The following DNAH12 variants were observed in gnomAD, a reference collection of about 807,000 sequenced individuals.
DNAH12 encodes the protein dynein axonemal heavy chain 12, also known as axonemal beta dynein heavy chain 12.
In DNAH12, 285 loss-of-function variants were observed where a neutral mutation model predicts 371.5. That is an observed-to-expected ratio of 0.77 (90% CI 0.70 to 0.85). The LOEUF is 0.85. Ranked by LOEUF, DNAH12 falls within the 40% of genes least tolerant of loss-of-function variation. The pLI is 0.00. For synonymous variants in DNAH12, 1,200 were observed against 1,213.0 expected, an observed-to-expected ratio of 0.99 and a Z score of 0.22; for missense variants, 3,611 against 3,689.4, an observed-to-expected ratio of 0.98 and a Z score of 0.55.
intron 40 of DNAH12, 113 bp from the exon 41 acceptor site, chr3:57,406,065 C>T: frequency 8.3e-7 from 1 of 1,211,334 alleles, no homozygotes; most frequent in Non-Finnish European, 1.1e-6. Context: ...ATTATATGGG[C>T]TTGGGCTGGG....
chr3:57,415,656 G>T, intron 37 of DNAH12, 92 bp from the exon 38 acceptor site: 1 of 1,253,046 alleles, frequency 8.0e-7, no homozygotes, highest in Non-Finnish European at 1.1e-6. Context: ...GTGTACATAA[G>T]AATCAAATCA....
At chr3:57,333,253 C>G (rs2062144691) in intron 62 of DNAH12, among the ~76,000 whole-genome samples, 1 of 151,814 alleles carries the variant, frequency 6.6e-6, no homozygotes, top group Non-Finnish European at 1.5e-5. Context: ...TAGCGATCCA[C>G]CCACCTCAGC....
At chr3:57,474,314 G>T (rs919589459) in intron 13 of DNAH12, among the ~76,000 whole-genome samples, 1 of 151,662 alleles carries the variant, frequency 6.6e-6, no homozygotes, top group Admixed American at 6.6e-5. Flanking sequence ...ATTTTTTTTT[G>T]AGACAGAGTT....
chr3:57,326,316 C>T (rs189324776), intron 62 of DNAH12, among the ~76,000 whole-genome samples: 3,596 of 152,106 alleles, frequency 0.024, 65 homozygotes, highest in Admixed American at 0.035. Flanking sequence ...AGAGAAAGGT[C>T]GGGTTACCCA....
At chr3:57,314,671 G>C in intron 65 of DNAH12, 40 bp from the exon 66 acceptor site, 1 of 1,507,810 alleles carries the variant, frequency 6.6e-7, no homozygotes, top group Non-Finnish European at 8.8e-7. Context: ...AAAAATTCCG[G>C]TCAGATTCCA....
chr3:57,391,162 A>AG (rs1326952623), intron 45 of DNAH12, among the ~76,000 whole-genome samples: 5 of 152,090 alleles, frequency 3.3e-5, no homozygotes, highest in African/African-American at 1.2e-4. Flanking sequence ...TGTTTCTGTG[A>AG]GGGTGTTTTT....
intron 49 of DNAH12, among the ~76,000 whole-genome samples, chr3:57,382,749 C>G (rs1432889418): frequency 6.6e-6 from 1 of 152,002 alleles, no homozygotes; most frequent in Non-Finnish European, 1.5e-5. Context: ...AGACTTAACT[C>G]TATATTTGCT....
chr3:57,297,500 C>T lies in DNAH12; in HGVS notation c.11395-516G>A, dbSNP rs543359219. Among the ~76,000 whole-genome samples, 71 of 152,026 alleles carry T rather than the reference C, an allele frequency of 4.7e-4. 3 individuals are homozygous for T. The highest frequency in any genetic ancestry group is 6.8e-3 in the Middle Eastern group (2 of 294). ...CCTCCTGAGTAGCTGGGATTACAGG[C>T]GTGCACCACCATGCCTGGCTAGTTT... On this transcript the variant is annotated intron_variant, in intron 70 of 73. Transcript: ENST00000495027.
At chr3:57,531,374 CCAGA>C (rs2068840859) in intron 2 of DNAH12, among the ~76,000 whole-genome samples, 1 of 152,168 alleles carries the variant, frequency 6.6e-6, no homozygotes, top group South Asian at 2.1e-4. Context: ...AAGTCTGCTG[CCAGA>C]CATACTGGAG....
At chr3:57,417,306 C>T (rs145006182) in intron 37 of DNAH12, among the ~76,000 whole-genome samples, 1 of 151,988 alleles carries the variant, frequency 6.6e-6, no homozygotes, top group African/African-American at 2.4e-5. Context: ...TGAGTAATAG[C>T]CATATTCAGT....
intron 4 of DNAH12, among the ~76,000 whole-genome samples, chr3:57,511,325 T>A (rs1052445270): frequency 2.7e-4 from 41 of 152,194 alleles, no homozygotes; most frequent in African/African-American, 9.9e-4. Flanking sequence ...TTCTAAATGC[T>A]GGGTATATAG....
intron 36 of DNAH12, among the ~76,000 whole-genome samples, chr3:57,420,260 G>A (rs770969362): frequency 2.0e-5 from 3 of 151,998 alleles, no homozygotes; most frequent in Non-Finnish European, 2.9e-5. Context: ...CCCTTCCACT[G>A]TTAAGTAAAA....
chr3:57,551,785 C>T, the DNAH12 span, among the ~76,000 whole-genome samples: 4 of 148,798 alleles, frequency 2.7e-5, no homozygotes, highest in Admixed American at 2.7e-4. Flanking sequence ...CTTTCTATAT[C>T]ATATGAAACA....
intron 34 of DNAH12, 135 bp from the exon 35 acceptor site, chr3:57,425,276 C>T: frequency 1.7e-6 from 1 of 575,052 alleles, no homozygotes; most frequent in South Asian, 2.1e-5. Context: ...GAGATGGGAT[C>T]TCACTCTGTC....
At chr3:57,409,085 T>C (rs1427132977) in intron 39 of DNAH12, among the ~76,000 whole-genome samples, 1 of 152,186 alleles carries the variant, frequency 6.6e-6, no homozygotes, top group East Asian at 1.9e-4. Flanking sequence ...GATGTCTAAA[T>C]AGGATCTATA....
intron 17 of DNAH12, among the ~76,000 whole-genome samples, chr3:57,466,799 G>A (rs932937666): frequency 6.6e-6 from 1 of 152,024 alleles, no homozygotes; most frequent in African/African-American, 2.4e-5. Flanking sequence ...GCCCAGGAGT[G>A]CGGCAGTATA....
At chr3:57,431,436 T>C (rs1003284284) in intron 32 of DNAH12, among the ~76,000 whole-genome samples, 1 of 152,196 alleles carries the variant, frequency 6.6e-6, no homozygotes, top group East Asian at 1.9e-4. Context: ...CCAGAAATAA[T>C]ACACAATTCT....
the DNAH12 span, among the ~76,000 whole-genome samples, chr3:57,554,955 G>A: frequency 3.3e-5 from 5 of 152,262 alleles, no homozygotes; most frequent in African/African-American, 7.2e-5. Flanking sequence ...TAAAGTGCAC[G>A]ATTCCTTAGG....
At chr3:57,330,672 C>G (rs2062074651) in intron 62 of DNAH12, among the ~76,000 whole-genome samples, 1 of 149,920 alleles carries the variant, frequency 6.7e-6, no homozygotes, top group Non-Finnish European at 1.5e-5. Context: ...ATGTAACTAA[C>G]CTGCACATTG....
Sources: gnomAD v4.1 joint callset for allele counts (sites outside exome capture counted in the v4.1 genomes callset) on GRCh38, gnomAD v4.1.1 for gene constraint, MANE v1.5 for transcripts, NCBI Gene and HGNC (gene_info 2026-07-23, HGNC 2026-07-21) for gene names.